ADK: variants seen among roughly 807,000 people sequenced by gnomAD.
ADK encodes the protein adenosine kinase.
In ADK, 24 loss-of-function variants were observed where a neutral mutation model predicts 44.7. That is an observed-to-expected ratio of 0.54 (90% CI 0.39 to 0.76). The LOEUF (loss-of-function observed/expected upper bound fraction) is 0.76, where lower values mean the gene tolerates loss of function less well. Ranked by LOEUF, ADK falls within the 30% of genes least tolerant of loss-of-function variation. The pLI, the probability that ADK is intolerant of heterozygous loss-of-function variation, is 0.00. For synonymous variants in ADK, 128 were observed against 142.6 expected (o/e 0.90, Z 0.73); for missense variants, 321 against 425.1 (o/e 0.76, Z 2.15).
In ADK at chr10:74,535,377, C is replaced by T. The variant is rs117112959; in HGVS notation, c.726+9951C>T. 2.3e-4 allele frequency among the ~76,000 whole-genome samples: 35 copies of T among 152,138 alleles called. No homozygotes were observed. The East Asian group carries it at 6.8e-3, about 29-fold the overall frequency. The stretch of plus-strand genomic sequence containing the variant: ...ATTCGGGAGGCTAAGGTGGGAGGAT[C>T]GCTTGCACCTGGGAGGTTGAGGCTG... On this transcript the variant is annotated intron_variant, in intron 7 of 10. Coordinates refer to ENST00000539909, the MANE Select transcript of ADK (RefSeq NM_006721.4).
chr10:74,395,847 C>T (rs911376483), intron 5 of ADK, among the ~76,000 whole-genome samples: 1 of 151,964 alleles, frequency 6.6e-6, no homozygotes, highest in African/African-American at 2.4e-5. Flanking sequence ...GGTGAAACTC[C>T]GTCTCTACTA....
intron 3 of ADK, among the ~76,000 whole-genome samples, chr10:74,279,859 C>T (rs1246872581): frequency 6.6e-6 from 1 of 151,884 alleles, no homozygotes; most frequent in Non-Finnish European, 1.5e-5. Context: ...TAGGGAGACC[C>T]CGTCTCTAAA....
At chr10:74,399,081 C>G (rs1199740241) in intron 6 of ADK, among the ~76,000 whole-genome samples, 2 of 151,722 alleles carry the variant, frequency 1.3e-5, no homozygotes, top group East Asian at 3.9e-4. Flanking sequence ...AATCTGGGAA[C>G]AAGGGCAGGG....
At chr10:74,294,288 C>CTT (rs1215680885) in intron 3 of ADK, among the ~76,000 whole-genome samples, 43 of 145,652 alleles carry the variant, frequency 3.0e-4, no homozygotes, top group African/African-American at 9.8e-4. Context: ...TCTTTTCTTT[C>CTT]TTTTTTTTTT....
chr10:74,194,923 A>G (rs1286143719), intron 1 of ADK, among the ~76,000 whole-genome samples: 1 of 152,236 alleles, frequency 6.6e-6, no homozygotes, highest in Non-Finnish European at 1.5e-5. Flanking sequence ...TCAAACATTA[A>G]TATATCAATA....
chr10:74,440,640 T>A (rs1564723652), intron 6 of ADK, among the ~76,000 whole-genome samples: 1 of 152,114 alleles, frequency 6.6e-6, no homozygotes, highest in Non-Finnish European at 1.5e-5. Flanking sequence ...ACTTAGATCA[T>A]CTAAACATGA....
intron 6 of ADK, among the ~76,000 whole-genome samples, chr10:74,487,286 G>A (rs190442905): frequency 6.6e-6 from 1 of 151,814 alleles, no homozygotes; most frequent in Admixed American, 6.6e-5. Context: ...TTTGTTAATC[G>A]TGTGTGGATT....
chr10:74,386,140 A>G (rs1324921023), intron 4 of ADK, among the ~76,000 whole-genome samples: 3 of 152,020 alleles, frequency 2.0e-5, no homozygotes, highest in Non-Finnish European at 2.9e-5. Flanking sequence ...TTATCAATCT[A>G]TTTCAGTTTT....
intron 3 of ADK, among the ~76,000 whole-genome samples, chr10:74,236,872 A>AAAAATGT (rs1292634341): frequency 6.6e-6 from 1 of 152,224 alleles, no homozygotes; most frequent in Non-Finnish European, 1.5e-5. Flanking sequence ...CATTGTATAT[A>AAAAATGT]AAAATGTATA....
intron 1 of ADK, among the ~76,000 whole-genome samples, chr10:74,176,110 A>G (rs1346803925): frequency 6.6e-6 from 1 of 152,190 alleles, no homozygotes; most frequent in Non-Finnish European, 1.5e-5. Context: ...TAACTTGCTA[A>G]AAATACCGAT....
At chr10:74,559,859 T>G (rs909274632) in intron 7 of ADK, among the ~76,000 whole-genome samples, 1 of 136,080 alleles carries the variant, frequency 7.3e-6, no homozygotes, top group Non-Finnish European at 1.5e-5. Flanking sequence ...TTTCATGTTG[T>G]TTTTTTTTTT....
intron 9 of ADK, among the ~76,000 whole-genome samples, chr10:74,659,823 A>C (rs1022553741): frequency 3.3e-5 from 5 of 151,988 alleles, no homozygotes; most frequent in African/African-American, 1.2e-4. Flanking sequence ...CCTGCTTTAT[A>C]TTCTCTGGCA....
chr10:74,262,324 A>C (rs945807982), intron 3 of ADK, among the ~76,000 whole-genome samples: 5 of 151,894 alleles, frequency 3.3e-5, no homozygotes, highest in African/African-American at 7.2e-5. Context: ...AAAAAAAAAA[A>C]AAAAAACAAA....
At chr10:74,671,593 T>G (rs987349202) in intron 10 of ADK, among the ~76,000 whole-genome samples, 12 of 152,186 alleles carry the variant, frequency 7.9e-5, no homozygotes, top group African/African-American at 2.9e-4. Flanking sequence ...ATTTTCCTAT[T>G]TTTTACTTTT....
At chr10:74,505,060 C>T (rs1340813234) in intron 6 of ADK, among the ~76,000 whole-genome samples, 1 of 152,040 alleles carries the variant, frequency 6.6e-6, no homozygotes, top group Admixed American at 6.6e-5. Context: ...TGGGGAAGAG[C>T]TGGTCTTCCT....
intron 4 of ADK, among the ~76,000 whole-genome samples, chr10:74,330,107 G>A (rs1198357239): frequency 6.6e-6 from 1 of 152,168 alleles, no homozygotes; most frequent in Non-Finnish European, 1.5e-5. Context: ...GGTTGAAGCT[G>A]TAGTGAGCCA....
At chr10:74,642,261 T>A (rs1208952046) in intron 9 of ADK, among the ~76,000 whole-genome samples, 1 of 152,148 alleles carries the variant, frequency 6.6e-6, no homozygotes. Context: ...TATTTTCTAA[T>A]ACAGTAAATA....
chr10:74,463,333 G>T (rs547020786), intron 6 of ADK, among the ~76,000 whole-genome samples: 1 of 152,294 alleles, frequency 6.6e-6, no homozygotes, highest in East Asian at 1.9e-4. Flanking sequence ...TGTAGAATCA[G>T]TGGGAGCTCT....
intron 3 of ADK, among the ~76,000 whole-genome samples, chr10:74,305,653 G>A (rs1840220289): frequency 6.6e-6 from 1 of 152,128 alleles, no homozygotes. Context: ...TGGAGTTTCT[G>A]AGCTTGAATC....
Sources: gnomAD v4.1 joint callset for allele counts (sites outside exome capture counted in the v4.1 genomes callset) on GRCh38, gnomAD v4.1.1 for gene constraint, MANE v1.5 for transcripts, NCBI Gene and HGNC (gene_info 2026-07-23, HGNC 2026-07-21) for gene names.